Variants in KCNMA1 observed in about 807,000 individuals in gnomAD.
KCNMA1 encodes the protein potassium calcium-activated channel subfamily M alpha 1.
In KCNMA1, 29 loss-of-function variants were observed where a neutral mutation model predicts 140.0. That is an observed-to-expected ratio of 0.21 (90% confidence interval 0.15 to 0.28). The LOEUF is 0.28. KCNMA1 is among the 10% of genes least tolerant of loss of function. The pLI is 1.00. For synonymous variants in KCNMA1, 612 were observed against 611.9 expected, an observed-to-expected ratio of 1.00 and a Z score of 0.00; for missense variants, 880 against 1,602.2, an observed-to-expected ratio of 0.55 and a Z score of 7.70.
intron 2 of KCNMA1, among the ~76,000 whole-genome samples, chr10:77,328,985 C>T (rs192564949): frequency 4.6e-5 from 7 of 151,866 alleles, no homozygotes; most frequent in South Asian, 4.2e-4. Context: ...GGACTACAGG[C>T]GCCTGCCACC....
chr10:77,250,427 C>T (rs1196964187), intron 3 of KCNMA1: 1 of 152,338 alleles, frequency 6.6e-6, no homozygotes, highest in Non-Finnish European at 1.5e-5. Context: ...CAAATTATTT[C>T]CTCAGGGTTG....
At chr10:76,949,031 C>G (rs2065279163) in intron 22 of KCNMA1, 111 bp downstream of exon 22, 1 of 933,960 alleles carries the variant, frequency 1.1e-6, no homozygotes, top group African/African-American at 1.6e-5. Context: ...AGGCCCATAC[C>G]CAGATGAAGA....
intron 2 of KCNMA1, chr10:77,373,826 T>C (rs1342619646): frequency 6.6e-6 from 1 of 152,156 alleles, no homozygotes; most frequent in African/African-American, 2.4e-5. Flanking sequence ...CCAGGAAGAC[T>C]GTGAAAAAGG....
Position 77,108,715 on chromosome 10 carries a change from A to C in KCNMA1, c.1132-143T>G. 2.9e-6 allele frequency: 2 copies of C among 687,500 alleles called. No homozygotes were observed. The highest frequency in any genetic ancestry group is 5.1e-6 in the Non-Finnish European group (2 of 390,594). 42.6% of individuals were successfully genotyped at this position (687,500 alleles called of 1,614,324 possible). A position where few individuals can be genotyped will look rare whatever the true frequency, so the allele number is the denominator to read the frequency against. ...TATATATTGATATGTTGGATCATAAAAAACTAAAAGCACGAAGAGAGCAAG... is the reference window on the plus strand; with the variant it reads ...TATATATTGATATGTTGGATCATAACAAACTAAAAGCACGAAGAGAGCAAG... On this transcript the variant is annotated intron_variant, in intron 8 of 27. Transcript: ENST00000286628. This position sits in a 1 kb window ranked among gnomAD's most constrained non-coding sequence, Gnocchi z 4.6.
At chr10:77,620,177 G>A (rs1414315716) in intron 1 of KCNMA1, among the ~76,000 whole-genome samples, 4 of 152,234 alleles carry the variant, frequency 2.6e-5, no homozygotes, top group Non-Finnish European at 5.9e-5. Context: ...TCTCTGGCTC[G>A]ACCTCACCCA....
chr10:76,976,587 A>G (rs1423970276), intron 19 of KCNMA1, among the ~76,000 whole-genome samples: 1 of 152,064 alleles, frequency 6.6e-6, no homozygotes, highest in African/African-American at 2.4e-5. Context: ...CTCAACCCCA[A>G]TCTCAAACTA....
At chr10:76,923,825 A>C (rs2056803624) in intron 23 of KCNMA1, among the ~76,000 whole-genome samples, 1 of 140,554 alleles carries the variant, frequency 7.1e-6, no homozygotes, top group Non-Finnish European at 1.5e-5. Context: ...TCTACTAAAA[A>C]CAAACAAACA....
chr10:77,215,724 C>G (rs73293980), intron 3 of KCNMA1, among the ~76,000 whole-genome samples: 2,968 of 152,208 alleles, frequency 0.019, 96 homozygotes, highest in African/African-American at 0.067. Context: ...TATGTTGAAG[C>G]CCCAGTCCCC....
intron 19 of KCNMA1, among the ~76,000 whole-genome samples, chr10:76,971,944 A>C (rs2076188960): frequency 6.6e-6 from 1 of 151,686 alleles, no homozygotes; most frequent in African/African-American, 2.4e-5. Context: ...CTGAGGCAAT[A>C]ATGGGGTAGA....
intron 19 of KCNMA1, among the ~76,000 whole-genome samples, chr10:76,990,465 G>A (rs895264183): frequency 1.3e-5 from 2 of 152,166 alleles, no homozygotes; most frequent in Non-Finnish European, 2.9e-5. Flanking sequence ...GGAGATGTCT[G>A]CCTGTTTCCC....
intron 1 of KCNMA1, among the ~76,000 whole-genome samples, chr10:77,473,780 C>G (rs2098219242): frequency 6.6e-6 from 1 of 152,190 alleles, no homozygotes; most frequent in Admixed American, 6.5e-5. Context: ...CTGCAGGGCT[C>G]TCTTCTGGGC....
chr10:77,152,502 T>C (rs2098434617), intron 5 of KCNMA1, among the ~76,000 whole-genome samples: 1 of 152,112 alleles, frequency 6.6e-6, no homozygotes, highest in Admixed American at 6.6e-5. Context: ...CATTTATCAC[T>C]GTGGGCAACT....
Position 77,000,858 on chromosome 10 carries a change from ATATATATATATAT to A in KCNMA1, c.2266+536_2266+548del, listed in dbSNP as rs1278258769. On this transcript the variant is annotated intron_variant, in intron 19 of 27. Transcript: ENST00000286628. ...GTTAGAGAGACATAGTAAAAAGAAA[ATATATATATATAT>A]ATATATATATATATATATATATATA... Among the ~76,000 whole-genome samples the A allele has an allele frequency of 2.6e-4, 23 of 88,108 alleles. 1 individual carries two copies. In the South Asian group the frequency reaches 3.3e-3, roughly 13 times the overall value. 57.8% of individuals were successfully genotyped at this position (88,108 alleles called of 152,430 possible).
chr10:77,011,942 G>C, intron 18 of KCNMA1, 25 bp downstream of exon 18: 1 of 1,594,274 alleles, frequency 6.3e-7, no homozygotes, highest in African/African-American at 1.3e-5. Flanking sequence ...GAAAGGGAGG[G>C]GACAGGGAGA....
intron 2 of KCNMA1, among the ~76,000 whole-genome samples, chr10:77,320,650 T>A (rs1381018589): frequency 6.6e-6 from 1 of 152,120 alleles, no homozygotes; most frequent in Admixed American, 6.5e-5. Context: ...CACTTCTTCC[T>A]CGTTGTTACC....
In KCNMA1 at chr10:76,933,169, T is replaced by C. The variant is rs188391655; in HGVS notation, c.2902+11604A>G. ...GAGACTAAATCCTGGAGGGAAAGTGTAGGTTTTTAATACAGGTATTTGGCT... is the reference window on the plus strand; with the variant it reads ...GAGACTAAATCCTGGAGGGAAAGTGCAGGTTTTTAATACAGGTATTTGGCT... On this transcript the variant is annotated intron_variant, in intron 23 of 27. Transcript: ENST00000286628. Among the ~76,000 whole-genome samples, 66 of 152,300 alleles carry C rather than the reference T, an allele frequency of 4.3e-4. No homozygotes were observed. The East Asian group carries it at 6.6e-3, about 15-fold the overall frequency.
intron 1 of KCNMA1, among the ~76,000 whole-genome samples, chr10:77,480,113 C>T (rs1251249408): frequency 6.6e-6 from 1 of 152,244 alleles, no homozygotes; most frequent in East Asian, 1.9e-4. Flanking sequence ...TTGACCCCAC[C>T]AAATACGACG....
At chr10:77,584,649 G>A (rs190601076) in intron 1 of KCNMA1, among the ~76,000 whole-genome samples, 6 of 152,282 alleles carry the variant, frequency 3.9e-5, no homozygotes, top group Admixed American at 2.0e-4. Context: ...AAGCCACCAC[G>A]CCTGGCCTTG....
At chr10:77,572,586 A>C (rs2071960837) in intron 1 of KCNMA1, among the ~76,000 whole-genome samples, 1 of 93,882 alleles carries the variant, frequency 1.1e-5, no homozygotes, top group African/African-American at 4.4e-5. Flanking sequence ...ATATATATAT[A>C]TATATATATA....
Sources: allele counts gnomAD v4.1 joint callset (sites outside exome capture counted in the v4.1 genomes callset), GRCh38; gene constraint gnomAD v4.1.1; non-coding constraint Gnocchi (gnomAD v3.1); transcripts MANE v1.5; gene names NCBI Gene and HGNC (gene_info 2026-07-23, HGNC 2026-07-21).